TMEM128: variants seen among roughly 807,000 people sequenced by gnomAD.
TMEM128 encodes transmembrane protein 128.
Under a neutral mutation model 19.7 loss-of-function variants are expected in TMEM128, and 16 were observed. That is an observed-to-expected ratio of 0.81 (90% CI 0.55 to 1.23). TMEM128 has a LOEUF of 1.23. Among genes scored for constraint, TMEM128 ranks in the 50% most tolerant of loss-of-function variants. The pLI is 0.00. For synonymous variants in TMEM128, 98 were observed against 75.8 expected, an observed-to-expected ratio of 1.29 and a Z score of -1.52; for missense variants, 237 against 200.8, an observed-to-expected ratio of 1.18 and a Z score of -1.09.
intron 2 of TMEM128, among the ~76,000 whole-genome samples, chr4:4,241,451 T>G (rs1026627421): frequency 6.6e-6 from 1 of 152,206 alleles, no homozygotes; most frequent in African/African-American, 2.4e-5. Flanking sequence ...CTGAAATGCC[T>G]TTCCCATTCT....
Position 4,240,319 on chromosome 4 carries a change from A to G in TMEM128, c.398+2T>C. Reference sequence around the variant, plus strand: ...CTGTTAGTCATTTCAAAGTTAACTTACCAAATTCCTGCTGCAATAAAGGAG... The same window carrying G: ...CTGTTAGTCATTTCAAAGTTAACTTGCCAAATTCCTGCTGCAATAAAGGAG... On this transcript the variant is annotated splice_donor_variant, in intron 3 of 4. Transcript: ENST00000382753. LOFTEE classifies it high-confidence loss of function. 1.2e-6 allele frequency: 2 copies of G among 1,613,518 alleles called. No individual in the cohort carries two copies. The highest frequency in any genetic ancestry group is 1.7e-6 in the Non-Finnish European group (2 of 1,179,768).
chr4:4,237,420 A>T (rs1270086379), intron 4 of TMEM128, among the ~76,000 whole-genome samples: 1 of 152,202 alleles, frequency 6.6e-6, no homozygotes, highest in Non-Finnish European at 1.5e-5. Context: ...CAAAAGAAAG[A>T]GTCTCAGCCC....
intron 4 of TMEM128, among the ~76,000 whole-genome samples, chr4:4,237,590 G>A (rs540346763): frequency 6.6e-6 from 1 of 152,188 alleles, no homozygotes; most frequent in Non-Finnish European, 1.5e-5. Context: ...GCTGCAGTGA[G>A]CTGTGATCAT....
Position 4,246,181 on chromosome 4 carries a change from AAAGC to A in TMEM128, c.239+17_239+20del. 6.3e-7 allele frequency: 1 copy of A among 1,575,052 alleles called. No individual in the cohort carries two copies. The highest frequency in any genetic ancestry group is 8.6e-7 in the Non-Finnish European group (1 of 1,165,404). On this transcript the variant is annotated intron_variant, in intron 2 of 4. Coordinates refer to ENST00000382753, the MANE Select transcript of TMEM128 (RefSeq NM_001297551.2). ...AAAATCAGACTTGGGTTTAATTTAC[AAAGC>A]AATAAAATTTTCTTACCTGCTAGTG... is the stretch of plus-strand genomic sequence containing the variant.
At chr4:4,241,216 C>T (rs770289547) in intron 2 of TMEM128, among the ~76,000 whole-genome samples, 1 of 152,218 alleles carries the variant, frequency 6.6e-6, no homozygotes, top group Non-Finnish European at 1.5e-5. Flanking sequence ...GTTAAGTGGA[C>T]TTTCTTGGAA....
At chr4:4,240,504 G>A (rs1402146610) in intron 2 of TMEM128, 25 bp from the exon 3 acceptor site, 1 of 1,603,946 alleles carries the variant, frequency 6.2e-7, no homozygotes, top group East Asian at 2.3e-5. Flanking sequence ...ACAGTAAGAG[G>A]TCTGACAGCA....
chr4:4,247,543 T>C (rs1274711427), intron 1 of TMEM128: 1 of 1,613,054 alleles, frequency 6.2e-7, no homozygotes, highest in Admixed American at 1.7e-5. Context: ...CACTTACAAT[T>C]TCTACTGAAT....
chr4:4,242,482 A>AT (rs1230241077), intron 2 of TMEM128, among the ~76,000 whole-genome samples: 1 of 151,254 alleles, frequency 6.6e-6, no homozygotes, highest in Non-Finnish European at 1.5e-5. Flanking sequence ...CTTTTTAGAC[A>AT]TTTTTTTCCT....
chr4:4,238,477 T>G (rs1350642370), intron 3 of TMEM128, among the ~76,000 whole-genome samples: 2 of 152,170 alleles, frequency 1.3e-5, no homozygotes, highest in Non-Finnish European at 2.9e-5. Flanking sequence ...TTCAAATAAG[T>G]TCAGATGGTT....
chr4:4,240,219 T>A (rs1717890104), intron 3 of TMEM128, 102 bp downstream of exon 3: 1 of 1,199,328 alleles, frequency 8.3e-7, no homozygotes, highest in African/African-American at 1.5e-5. Flanking sequence ...TATTTTTCTG[T>A]TTTAACTTTT....
At chr4:4,247,073 A>G (rs1290610304) in intron 1 of TMEM128, among the ~76,000 whole-genome samples, 3 of 152,162 alleles carry the variant, frequency 2.0e-5, no homozygotes, top group Non-Finnish European at 4.4e-5. Flanking sequence ...CTATAACTAA[A>G]TATTTTAGTT....
At chr4:4,238,422 T>C (rs531698907) in intron 3 of TMEM128, among the ~76,000 whole-genome samples, 4 of 152,318 alleles carry the variant, frequency 2.6e-5, no homozygotes, top group East Asian at 3.9e-4. Flanking sequence ...AGTATAAAGA[T>C]TTTTAATGAC....
intron 2 of TMEM128, among the ~76,000 whole-genome samples, chr4:4,245,991 T>A (rs1718153756): frequency 6.6e-6 from 1 of 152,180 alleles, no homozygotes; most frequent in Admixed American, 6.5e-5. Flanking sequence ...CTATACTGTA[T>A]GTACATTAGA....
chr4:4,239,995 C>G (rs1346109810), intron 3 of TMEM128, among the ~76,000 whole-genome samples: 1 of 152,204 alleles, frequency 6.6e-6, no homozygotes, highest in Non-Finnish European at 1.5e-5. Context: ...TACACCAATG[C>G]TCACTTCATG....
chr4:4,241,155 G>C (rs1717943030), intron 2 of TMEM128, among the ~76,000 whole-genome samples: 1 of 152,180 alleles, frequency 6.6e-6, no homozygotes, highest in South Asian at 2.1e-4. Flanking sequence ...CTGAAGTTTT[G>C]AGTGTGACAG....
In TMEM128 at chr4:4,240,489, T is replaced by A; in HGVS notation, c.240-10A>T. The A allele has an allele frequency of 2.5e-6, 4 of 1,610,058 alleles. No individual in the cohort carries two copies. Among genetic ancestry groups the A allele is most frequent in the Non-Finnish European group, 3.4e-6 (4 of 1,177,854 alleles). On this transcript the variant is annotated splice_polypyrimidine_tract_variant and intron_variant, in intron 2 of 4. Coordinates refer to ENST00000382753, the MANE Select transcript of TMEM128 (RefSeq NM_001297551.2). ...GCCACAGAGAAACCAGCTGTGGAGATAAAAACAGTAAGAGGTCTGACAGCA... is the reference window on the plus strand; with the variant it reads ...GCCACAGAGAAACCAGCTGTGGAGAAAAAAACAGTAAGAGGTCTGACAGCA...
chr4:4,242,868 T>C (rs1014594984), intron 2 of TMEM128, among the ~76,000 whole-genome samples: 3 of 152,088 alleles, frequency 2.0e-5, no homozygotes, highest in African/African-American at 7.2e-5. Flanking sequence ...TATCAGTCAG[T>C]GGTCCTCGGC....
intron 2 of TMEM128, among the ~76,000 whole-genome samples, chr4:4,245,839 T>C (rs778727619): frequency 8.5e-5 from 13 of 152,186 alleles, no homozygotes; most frequent in African/African-American, 2.2e-4. Flanking sequence ...CACACACACA[T>C]TGTGAAATTA....
At chr4:4,237,273 C>T (rs1208690097) in intron 4 of TMEM128, among the ~76,000 whole-genome samples, 3 of 152,080 alleles carry the variant, frequency 2.0e-5, no homozygotes, top group Non-Finnish European at 2.9e-5. Flanking sequence ...TAAGCTGACA[C>T]AAATTAATAT....
Sources: allele counts gnomAD v4.1 joint callset (sites outside exome capture counted in the v4.1 genomes callset), GRCh38; gene constraint gnomAD v4.1.1; transcripts MANE v1.5; gene names NCBI Gene and HGNC (gene_info 2026-07-23, HGNC 2026-07-21).